ADK: variants seen among roughly 807,000 people sequenced by gnomAD.
The protein encoded by ADK is N6,N6-dimethyladenosine kinase.
Under a neutral mutation model 44.7 loss-of-function variants are expected in ADK, and 24 were observed. The ratio of observed to expected loss-of-function variants is 0.54; its 90% CI spans 0.39 to 0.76. The LOEUF is 0.76. Among genes scored for constraint, ADK ranks in the 30% least tolerant of loss-of-function variants. The pLI, the probability that ADK is intolerant of heterozygous loss-of-function variation, is 0.00. For missense variants in ADK, 321 were observed against 425.1 expected (o/e 0.76, Z 2.15); for synonymous variants, 128 against 142.6 (o/e 0.90, Z 0.73).
chr10:74,370,851 GA>G (rs1842635628), intron 4 of ADK, among the ~76,000 whole-genome samples: 1 of 152,104 alleles, frequency 6.6e-6, no homozygotes, highest in African/African-American at 2.4e-5. Context: ...TGGGATTATA[GA>G]TGTGAGCCAC....
chr10:74,673,557 G>C lies in ADK; in HGVS notation c.964+3288G>C, dbSNP rs868592627. 5.9e-5 allele frequency among the ~76,000 whole-genome samples: 9 copies of C among 152,334 alleles called. No individual in the cohort carries two copies. The Middle Eastern group carries it at 0.01, about 173-fold the overall frequency. ...CGAACTCCATACCAGACCAGTGGCA[G>C]CATCTAAGGGAAGCTGCCCGTGACC... On this transcript the variant is annotated intron_variant, in intron 10 of 10. Transcript: ENST00000539909.
At chr10:74,415,761 C>A (rs1168186308) in intron 6 of ADK, among the ~76,000 whole-genome samples, 1 of 151,902 alleles carries the variant, frequency 6.6e-6, no homozygotes, top group East Asian at 1.9e-4. Flanking sequence ...TGCTCCATAC[C>A]CCCTGGATTT....
intron 4 of ADK, among the ~76,000 whole-genome samples, chr10:74,339,162 T>C (rs10762599): frequency 0.48 from 72,557 of 151,950 alleles, 20,024 homozygotes; most frequent in Non-Finnish European, 0.62. Flanking sequence ...GGTCTCACCA[T>C]GTTGCCCAGG....
chr10:74,660,085 T>A (rs1031318500), intron 9 of ADK, among the ~76,000 whole-genome samples: 2 of 152,234 alleles, frequency 1.3e-5, no homozygotes, highest in African/African-American at 4.8e-5. Flanking sequence ...ACTAATTTAC[T>A]CCTCAGAAAA....
intron 1 of ADK, among the ~76,000 whole-genome samples, chr10:74,186,978 A>C (rs542660577): frequency 6.6e-6 from 1 of 152,284 alleles, no homozygotes; most frequent in South Asian, 2.1e-4. Context: ...ATTGCTGTGT[A>C]CTAGGGTAGA....
At chr10:74,688,596 G>C (rs575081947) in intron 10 of ADK, among the ~76,000 whole-genome samples, 1 of 152,282 alleles carries the variant, frequency 6.6e-6, no homozygotes, top group Admixed American at 6.5e-5. Context: ...CCATACTTTA[G>C]GATCAGGTCA....
intron 6 of ADK, among the ~76,000 whole-genome samples, chr10:74,433,277 A>G (rs1252225604): frequency 6.6e-6 from 1 of 152,228 alleles, no homozygotes; most frequent in Non-Finnish European, 1.5e-5. Context: ...GAAACATTCA[A>G]TAGCCAGTCT....
At chr10:74,355,019 G>A (rs1186590391) in intron 4 of ADK, among the ~76,000 whole-genome samples, 2 of 152,134 alleles carry the variant, frequency 1.3e-5, no homozygotes, top group Admixed American at 6.5e-5. Flanking sequence ...ACTGGGGTCA[G>A]TTTTTTTCCC....
chr10:74,338,117 C>A (rs935323242), intron 4 of ADK, among the ~76,000 whole-genome samples: 1 of 150,836 alleles, frequency 6.6e-6, no homozygotes, highest in Non-Finnish European at 1.5e-5. Flanking sequence ...TCTAGGATAA[C>A]AACAACAACA....
intron 4 of ADK, among the ~76,000 whole-genome samples, chr10:74,370,636 C>A (rs577468159): frequency 1.1e-4 from 16 of 151,898 alleles, no homozygotes; most frequent in Non-Finnish European, 1.6e-4. Context: ...ATAGTTGGCC[C>A]TCTAGATCAT....
intron 6 of ADK, among the ~76,000 whole-genome samples, chr10:74,492,573 T>G (rs1420281561): frequency 6.6e-6 from 1 of 152,180 alleles, no homozygotes; most frequent in Admixed American, 6.5e-5. Context: ...AACAGAGGAC[T>G]TAGCTATTTG....
intron 4 of ADK, among the ~76,000 whole-genome samples, chr10:74,363,682 C>T (rs1842412745): frequency 6.6e-6 from 1 of 152,092 alleles, no homozygotes; most frequent in Non-Finnish European, 1.5e-5. Flanking sequence ...GACTGGGCTC[C>T]CTCAGGATCT....
At chr10:74,360,546 C>T (rs1177057484) in intron 4 of ADK, among the ~76,000 whole-genome samples, 2 of 152,038 alleles carry the variant, frequency 1.3e-5, no homozygotes, top group Admixed American at 6.6e-5. Context: ...TTCACACTTG[C>T]TCTCTCTCAT....
chr10:74,449,514 T>C (rs1845697554), intron 6 of ADK, among the ~76,000 whole-genome samples: 1 of 152,238 alleles, frequency 6.6e-6, no homozygotes, highest in African/African-American at 2.4e-5. Context: ...GGCATTTTGG[T>C]CATTATTTTT....
At chr10:74,607,221 G>T (rs746096738) in intron 9 of ADK, among the ~76,000 whole-genome samples, 1 of 152,070 alleles carries the variant, frequency 6.6e-6, no homozygotes, top group Non-Finnish European at 1.5e-5. Context: ...GGGGCATTTA[G>T]CCCATTTACA....
At chr10:74,572,917 A>T (rs1318631376) in intron 7 of ADK, among the ~76,000 whole-genome samples, 1 of 152,082 alleles carries the variant, frequency 6.6e-6, no homozygotes, top group African/African-American at 2.4e-5. Flanking sequence ...AATTTTTTTC[A>T]AAGTTTTCAA....
intron 6 of ADK, among the ~76,000 whole-genome samples, chr10:74,408,083 G>A (rs898768615): frequency 3.3e-5 from 5 of 151,636 alleles, no homozygotes; most frequent in African/African-American, 9.7e-5. Context: ...GGGTTTGAAC[G>A]ATTCTCCTGC....
At chr10:74,275,392 T>C (rs1157341903) in intron 3 of ADK, among the ~76,000 whole-genome samples, 8 of 152,062 alleles carry the variant, frequency 5.3e-5, no homozygotes, top group Admixed American at 4.6e-4. Flanking sequence ...TGCCAGTCTT[T>C]GGGGGTGTGG....
chr10:74,535,557 G>T (rs1168159336), intron 7 of ADK, among the ~76,000 whole-genome samples: 1 of 151,462 alleles, frequency 6.6e-6, no homozygotes, highest in Non-Finnish European at 1.5e-5. Flanking sequence ...CAGTCTGTAG[G>T]CATGCTCAAA....
Sources: allele counts gnomAD v4.1 joint callset (sites outside exome capture counted in the v4.1 genomes callset), GRCh38; gene constraint gnomAD v4.1.1; transcripts MANE v1.5; gene names NCBI Gene and HGNC (gene_info 2026-07-23, HGNC 2026-07-21).